Variants in SVEP1 observed in about 807,000 individuals in gnomAD.
SVEP1 encodes sushi, von Willebrand factor type A, EGF and pentraxin domain-containing protein 1.
Under a neutral mutation model 367.3 loss-of-function variants are expected in SVEP1, and 164 were observed. The observed-to-expected ratio is 0.45, with a 90% confidence interval of 0.39 to 0.51. The LOEUF (loss-of-function observed/expected upper bound fraction) is 0.51. SVEP1 is among the 20% of genes least tolerant of loss of function. The probability of loss-of-function intolerance (pLI) is 0.00; values close to 1 mark genes in which losing one functional copy is unlikely to be tolerated. For missense variants in SVEP1, 4,117 were observed against 4,425.3 expected (o/e 0.93, Z 1.98); for synonymous variants, 1,666 against 1,611.6 (o/e 1.03, Z -0.81).
chr9:110,443,069 T>C (rs1277310445), intron 27 of SVEP1: 1 of 152,444 alleles, frequency 6.6e-6, no homozygotes, highest in African/African-American at 2.4e-5. Flanking sequence ...AGAACCTGGG[T>C]CACCTAATGA....
chr9:110,561,510 C>A (rs1033711144), intron 1 of SVEP1, among the ~76,000 whole-genome samples: 1 of 152,102 alleles, frequency 6.6e-6, no homozygotes, highest in Non-Finnish European at 1.5e-5. Flanking sequence ...AGCTATATGT[C>A]CACCATGCAG....
chr9:110,431,152 G>C lies in SVEP1; in HGVS notation c.5354-702C>G, dbSNP rs79544976. On this transcript the variant is annotated intron_variant, in intron 32 of 47. Transcript: ENST00000374469. ...AACAGCCAGAGGTAAGCATAAAGAT[G>C]TATGTCCAAAGATGCTTATTAAACT... is the stretch of plus-strand genomic sequence containing the variant. Among the ~76,000 whole-genome samples the C allele has an allele frequency of 5.0e-3, 760 of 152,246 alleles. 5 individuals carry two copies. The highest frequency in any genetic ancestry group is 0.017 in the African/African-American group (713 of 41,550).
In SVEP1 at chr9:110,503,230, A is replaced by C. The variant is rs993485540; in HGVS notation, c.1304-13T>G. 5.0e-6 allele frequency: 8 copies of C among 1,601,774 alleles called. No individual in the cohort carries two copies. Among genetic ancestry groups the C allele is most frequent in the Non-Finnish European group, 5.1e-6 (6 of 1,175,486 alleles). On this transcript the variant is annotated splice_polypyrimidine_tract_variant and intron_variant, in intron 5 of 47. Transcript: ENST00000374469. Reference sequence around the variant, plus strand: ...GGACATGTTCTTACTATGTAAAATGAAAGCAATTAGATCACATTTTGCTAA... The same window carrying C: ...GGACATGTTCTTACTATGTAAAATGCAAGCAATTAGATCACATTTTGCTAA...
At position 110,407,554 on chromosome 9, in the gene SVEP1, T is replaced by A. The variant is rs984699627; in HGVS notation, c.8046A>T (p.Ser2682=). The change falls in exon 38 of 48, where the codon TCA becomes TCT. Residue 2682 remains serine, a synonymous_variant. Coordinates refer to ENST00000374469, the MANE Select transcript of SVEP1 (RefSeq NM_153366.4). ...SSNFLYGTMV[S]YTCNPGYELL... ...GTTCATATCCTGGATTACAGGTGTA[T>A]GAAACCATGGTACCATACAGAAAGT... is the stretch of plus-strand genomic sequence containing the variant. 3 of 1,614,024 alleles carry A rather than the reference T, an allele frequency of 1.9e-6. No homozygotes were observed. The highest frequency in any genetic ancestry group is 2.5e-6 in the Non-Finnish European group (3 of 1,179,892).
Position 110,406,521 on chromosome 9 carries a change from C to T in SVEP1, c.9079G>A (p.Ala3027Thr), listed in dbSNP as rs571959013. The change falls in exon 38 of 48, where the codon GCA becomes ACA. Residue 3027 changes from alanine to threonine, a missense_variant. Ala to Thr is a moderately conservative substitution (Grantham distance 58). Coordinates refer to ENST00000374469, the MANE Select transcript of SVEP1 (RefSeq NM_153366.4). ...VNGTDFDCGK[A>T]ARIQCFKGFK... is the part of the protein sequence containing the mutation. ...CCTTTGAAGCACTGAATCCGGGCTG[C>T]CTTTCCACAGTCAAAATCTGTCCCA... 1.1e-5 allele frequency: 17 copies of T among 1,613,682 alleles called. No individual in the cohort carries two copies. The highest frequency in any genetic ancestry group is 9.9e-5 in the South Asian group (9 of 91,080).
intron 39 of SVEP1, among the ~76,000 whole-genome samples, chr9:110,403,260 G>C (rs189974160): frequency 1.4e-5 from 2 of 138,954 alleles, no homozygotes; most frequent in African/African-American, 5.6e-5. Context: ...AGGAAAGTCT[G>C]CTGTCTACGG....
chr9:110,397,395 T>C (rs13283353), intron 40 of SVEP1, among the ~76,000 whole-genome samples: 16,810 of 151,936 alleles, frequency 0.11, 880 homozygotes, highest in Non-Finnish European at 0.12. Flanking sequence ...TCATACTGAA[T>C]GGGCAAAAAC....
chr9:110,443,372 G>GA (rs1196528571), intron 27 of SVEP1, 173 bp downstream of exon 27: 89 of 554,208 alleles, frequency 1.6e-4, no homozygotes, highest in Non-Finnish European at 2.4e-4. Context: ...GCTTACTTAG[G>GA]AAAAAAGCTT....
intron 3 of SVEP1, among the ~76,000 whole-genome samples, chr9:110,529,725 G>A (rs1829993735): frequency 6.6e-6 from 1 of 152,094 alleles, no homozygotes; most frequent in Non-Finnish European, 1.5e-5. Context: ...TTTGTAATCT[G>A]AGACTTTACT....
At chr9:110,458,733 C>T (rs1328162594) in intron 19 of SVEP1, among the ~76,000 whole-genome samples, 171 bp from the exon 20 acceptor site, 1 of 152,080 alleles carries the variant, frequency 6.6e-6, no homozygotes, top group African/African-American at 2.4e-5. Context: ...TCATTACATC[C>T]TAGACTCTTA....
At chr9:110,416,456 T>C (rs1361571808) in intron 36 of SVEP1, among the ~76,000 whole-genome samples, 1 of 151,710 alleles carries the variant, frequency 6.6e-6, no homozygotes, top group Admixed American at 6.6e-5. Context: ...GAGGAAATTA[T>C]CCAAATGTAA....
chr9:110,375,550 G>A (rs1827339808), intron 45 of SVEP1, 87 bp from the exon 46 acceptor site: 2 of 1,240,986 alleles, frequency 1.6e-6, no homozygotes, highest in Non-Finnish European at 2.2e-6. Flanking sequence ...AGGTTCAAGG[G>A]TTCAGAAAAC....
At chr9:110,414,994 G>T (rs569777897) in intron 36 of SVEP1, among the ~76,000 whole-genome samples, 6 of 151,934 alleles carry the variant, frequency 3.9e-5, no homozygotes, top group Non-Finnish European at 8.8e-5. Flanking sequence ...TCTCACCAAG[G>T]AGTATAAACA....
chr9:110,554,800 T>C (rs1455868987), intron 1 of SVEP1, among the ~76,000 whole-genome samples: 2 of 151,890 alleles, frequency 1.3e-5, no homozygotes. Context: ...AGGGGAAAAG[T>C]GTTATTGACA....
intron 37 of SVEP1, among the ~76,000 whole-genome samples, chr9:110,409,358 G>T (rs1828009205): frequency 1.3e-5 from 2 of 152,156 alleles, no homozygotes; most frequent in Admixed American, 6.5e-5. Context: ...GGAGGCAGAG[G>T]TTGCAGTGAG....
chr9:110,528,156 G>GTGTGTGTGTATGTATATA, intron 3 of SVEP1, among the ~76,000 whole-genome samples: 4 of 33,940 alleles, frequency 1.2e-4, no homozygotes, highest in Non-Finnish European at 2.3e-4. Flanking sequence ...GTGTGTGTGT[G>GTGTGTGTGTATGTATATA]TATATATATA....
At chr9:110,543,686 T>C (rs1262630426) in intron 3 of SVEP1, among the ~76,000 whole-genome samples, 1 of 152,148 alleles carries the variant, frequency 6.6e-6, no homozygotes, top group Non-Finnish European at 1.5e-5. Flanking sequence ...ACTGGCTGTT[T>C]GGCAGGGAGC....
At chr9:110,516,385 C>T (rs1829804420) in intron 3 of SVEP1, among the ~76,000 whole-genome samples, 1 of 151,552 alleles carries the variant, frequency 6.6e-6, no homozygotes, top group Admixed American at 6.6e-5. Context: ...TAGCAAATTC[C>T]AGATCTGGAG....
intron 1 of SVEP1, among the ~76,000 whole-genome samples, chr9:110,558,492 T>G (rs1235860465): frequency 2.4e-5 from 3 of 127,630 alleles, no homozygotes; most frequent in African/African-American, 9.4e-5. Context: ...CCAGCCTGGG[T>G]GACAGAATGA....
Sources: gnomAD v4.1 joint callset for allele counts (sites outside exome capture counted in the v4.1 genomes callset) on GRCh38, gnomAD v4.1.1 for gene constraint, MANE v1.5 for transcripts, NCBI Gene and HGNC (gene_info 2026-07-23, HGNC 2026-07-21) for gene names.